SEMA3A: variants seen among roughly 807,000 people sequenced by gnomAD.
SEMA3A encodes the protein semaphorin 3A.
SEMA3A carries 29 observed loss-of-function variants against 97.9 expected under a neutral mutation model. That is an observed-to-expected ratio of 0.30 (90% CI 0.22 to 0.40). The LOEUF (loss-of-function observed/expected upper bound fraction) is 0.40, where lower values mean the gene tolerates loss of function less well. Ranked by LOEUF, SEMA3A falls within the 10% of genes least tolerant of loss-of-function variation. The pLI is 1.00. For missense variants in SEMA3A, 763 were observed against 951.3 expected, an observed-to-expected ratio of 0.80 and a Z score of 2.60; for synonymous variants, 321 against 323.7, an observed-to-expected ratio of 0.99 and a Z score of 0.09.
intron 3 of SEMA3A, among the ~76,000 whole-genome samples, chr7:84,273,155 A>G (rs973656158): frequency 7.2e-5 from 11 of 152,130 alleles, no homozygotes; most frequent in African/African-American, 2.7e-4. Context: ...GAATGCCCAA[A>G]TAACTAAGCA....
chr7:84,327,913 G>A (rs1404221710), intron 2 of SEMA3A, among the ~76,000 whole-genome samples: 1 of 151,852 alleles, frequency 6.6e-6, no homozygotes, highest in African/African-American at 2.4e-5. Flanking sequence ...TGTAAACTAG[G>A]ATTAATGGCA....
chr7:83,981,316 C>T lies in SEMA3A; in HGVS notation c.1652+5G>A. On this transcript the variant is annotated splice_donor_5th_base_variant and intron_variant, in intron 14 of 16. Transcript: ENST00000265362. Reference sequence around the variant, plus strand: ...CATTTCATTTATTTTGAATATTTTTCCTACCTCTTTGCAGTGGGAAAATAG... The same window carrying T: ...CATTTCATTTATTTTGAATATTTTTTCTACCTCTTTGCAGTGGGAAAATAG... 6.2e-7 allele frequency: 1 copy of T among 1,613,268 alleles called. No individual in the cohort carries two copies. The highest frequency in any genetic ancestry group is 8.5e-7 in the Non-Finnish European group (1 of 1,179,486).
In SEMA3A at chr7:83,981,307, A is replaced by G; in HGVS notation, c.1652+14T>C. 2 of 1,612,268 alleles carry G rather than the reference A, an allele frequency of 1.2e-6. No homozygotes were observed. Among genetic ancestry groups the G allele is most frequent in the Non-Finnish European group, 1.7e-6 (2 of 1,178,850 alleles). ...ACTAGCAAACATTTCATTTATTTTGAATATTTTTCCTACCTCTTTGCAGTG... is the reference window on the plus strand; with the variant it reads ...ACTAGCAAACATTTCATTTATTTTGGATATTTTTCCTACCTCTTTGCAGTG... On this transcript the variant is annotated intron_variant, in intron 14 of 16. Coordinates refer to ENST00000265362, the MANE Select transcript of SEMA3A (RefSeq NM_006080.3).
At chr7:84,059,112 T>C (rs1389139201) in intron 5 of SEMA3A, among the ~76,000 whole-genome samples, 2 of 152,154 alleles carry the variant, frequency 1.3e-5, no homozygotes, top group African/African-American at 4.8e-5. Context: ...TCATACAAAA[T>C]ATGACTCCTA....
chr7:84,052,887 C>T (rs1267094897), intron 5 of SEMA3A, among the ~76,000 whole-genome samples: 3 of 151,548 alleles, frequency 2.0e-5, no homozygotes, highest in Non-Finnish European at 4.4e-5. Flanking sequence ...ACTTTGAATG[C>T]GTCCCAGAGA....
At chr7:84,138,025 A>C (rs967538428) in intron 1 of SEMA3A, among the ~76,000 whole-genome samples, 5 of 142,638 alleles carry the variant, frequency 3.5e-5, no homozygotes, top group Non-Finnish European at 6.2e-5. Context: ...TTAAGAGTTA[A>C]TGTATCTTTT....
At chr7:84,432,169 A>C (rs1219940430) in intron 1 of SEMA3A, among the ~76,000 whole-genome samples, 3 of 152,106 alleles carry the variant, frequency 2.0e-5, no homozygotes, top group Non-Finnish European at 4.4e-5. Context: ...AACCTTGTAC[A>C]AAGCTTAAAA....
At chr7:84,475,416 CAGAT>C (rs1403668006) in intron 1 of SEMA3A, among the ~76,000 whole-genome samples, 2 of 152,018 alleles carry the variant, frequency 1.3e-5, no homozygotes, top group Non-Finnish European at 1.5e-5. Flanking sequence ...TCATAGGAAA[CAGAT>C]AGAATTTCCT....
chr7:84,030,697 GAATT>G (rs544606414), intron 6 of SEMA3A, among the ~76,000 whole-genome samples: 13 of 152,208 alleles, frequency 8.5e-5, no homozygotes, highest in Admixed American at 1.3e-4. Flanking sequence ...CAGATTCCTT[GAATT>G]AATAACGTAT....
chr7:84,287,642 T>A (rs1273533898), intron 3 of SEMA3A, among the ~76,000 whole-genome samples: 1 of 152,148 alleles, frequency 6.6e-6, no homozygotes, highest in African/African-American at 2.4e-5. Flanking sequence ...CAAACTACAT[T>A]TTCAGATTTA....
At chr7:84,315,936 A>C (rs2115887335) in intron 2 of SEMA3A, among the ~76,000 whole-genome samples, 1 of 151,468 alleles carries the variant, frequency 6.6e-6, no homozygotes, top group South Asian at 2.1e-4. Flanking sequence ...TTACTAATAT[A>C]TATTTTTTCT....
At chr7:84,069,876 G>T (rs1237445062) in intron 4 of SEMA3A, among the ~76,000 whole-genome samples, 1 of 152,038 alleles carries the variant, frequency 6.6e-6, no homozygotes, top group Non-Finnish European at 1.5e-5. Context: ...ATGTGTGAAG[G>T]TATTGAATTA....
At chr7:84,425,044 A>T (rs1279708748) in intron 1 of SEMA3A, among the ~76,000 whole-genome samples, 1 of 103,376 alleles carries the variant, frequency 9.7e-6, no homozygotes, top group African/African-American at 4.0e-5. Flanking sequence ...TTATAATTAT[A>T]TATAATTATA....
At position 83,956,539 on chromosome 7, in the gene SEMA3A, T is replaced by A. The variant is rs1046162749; in HGVS notation, c.*4832A>T. 4 of 152,048 alleles carry A rather than the reference T, an allele frequency of 2.6e-5. No homozygotes were observed. Among genetic ancestry groups the A allele is most frequent in the African/African-American group, 9.7e-5 (4 of 41,374 alleles). The allele number at this position is 152,048 out of a possible 1,614,324, so 9.4% of individuals were successfully genotyped here. On this transcript the variant is annotated 3_prime_UTR_variant, in exon 17 of 17. Transcript: ENST00000265362. ...GAGTAAAGATAAATGAGGTGAACAT[T>A]AAGAAGGAAGGTAAAGAGATTGTGG...
Position 83,961,504 on chromosome 7 carries a change from C to G in SEMA3A, c.2183G>C (p.Arg728Thr), listed in dbSNP as rs1275768477. ...MDEFCEQVWK[R>T]DRKQRRQRPG... ...CCTTTGCCGACGTTGTTTTCGGTCCCTTTTCCAAACTTGTTCACAGAACTC... is the reference window on the plus strand; with the variant it reads ...CCTTTGCCGACGTTGTTTTCGGTCCGTTTTCCAAACTTGTTCACAGAACTC... The change falls in exon 17 of 17, where the codon AGG becomes ACG. Residue 728 changes from arginine to threonine, a missense_variant. Around this residue, in one of 2 missense-constraint regions of SEMA3A, gnomAD observed 678 missense variants for 881.3 expected, o/e 0.77. Transcript: ENST00000265362. 2 of 1,613,902 alleles carry G rather than the reference C, an allele frequency of 1.2e-6. No individual in the cohort carries two copies.
At chr7:84,009,203 T>G (rs118187510) in intron 9 of SEMA3A, among the ~76,000 whole-genome samples, 56 of 152,314 alleles carry the variant, frequency 3.7e-4, no homozygotes, top group Non-Finnish European at 7.1e-4. Flanking sequence ...TTTATCATGC[T>G]GTCTAGGAGA....
At chr7:84,122,704 A>T (rs780899488) in intron 3 of SEMA3A, among the ~76,000 whole-genome samples, 1 of 152,316 alleles carries the variant, frequency 6.6e-6, no homozygotes, top group African/African-American at 2.4e-5. Context: ...TTAAGGGTTG[A>T]CATAGGCATT....
At chr7:84,303,271 C>A (rs146318677) in intron 3 of SEMA3A, among the ~76,000 whole-genome samples, 5 of 152,168 alleles carry the variant, frequency 3.3e-5, no homozygotes, top group African/African-American at 9.6e-5. Flanking sequence ...TGCTACTTGA[C>A]CGGGTCACTA....
chr7:84,038,865 T>C (rs770029753), intron 6 of SEMA3A, among the ~76,000 whole-genome samples: 2 of 152,206 alleles, frequency 1.3e-5, no homozygotes, highest in African/African-American at 2.4e-5. Context: ...TATAATTTCA[T>C]TGTTTCATCT....
Sources: gnomAD v4.1 joint callset for allele counts (sites outside exome capture counted in the v4.1 genomes callset) on GRCh38, gnomAD v4.1.1 for gene constraint, gnomAD v4.1.1 regional missense constraint, MANE v1.5 for transcripts, NCBI Gene and HGNC (gene_info 2026-07-23, HGNC 2026-07-21) for gene names.